COL28A1: variants seen among roughly 807,000 people sequenced by gnomAD.
COL28A1 encodes the protein collagen type XXVIII alpha 1 chain, also known as collagen alpha-1(XXVIII) chain.
Under a neutral mutation model 150.2 loss-of-function variants are expected in COL28A1, and 161 were observed. The ratio of observed to expected loss-of-function variants is 1.07; its 90% CI spans 0.94 to 1.22. The LOEUF is 1.22. Among genes scored for constraint, COL28A1 ranks in the 50% most tolerant of loss-of-function variants. The pLI is 0.00. For synonymous variants in COL28A1, 552 were observed against 469.7 expected (o/e 1.18, Z -2.26); for missense variants, 1,617 against 1,388.3 (o/e 1.16, Z -2.62).
At chr7:7,537,331 T>C (rs10226571), upstream of COL28A1, among the ~76,000 whole-genome samples, 11,870 of 152,086 alleles carry the variant, frequency 0.078, 1,599 homozygotes, top group African/African-American at 0.27. Context: ...GGGAGGAAAC[T>C]CCAGGACCTG....
At chr7:7,480,902 T>A (rs1369753724) in intron 13 of COL28A1, among the ~76,000 whole-genome samples, 1 of 152,114 alleles carries the variant, frequency 6.6e-6, no homozygotes, top group Admixed American at 6.5e-5. Context: ...AAGCACAACA[T>A]CCTCCTCAAA....
At chr7:7,396,694 A>T (rs1253259025) in intron 27 of COL28A1, among the ~76,000 whole-genome samples, 1 of 152,208 alleles carries the variant, frequency 6.6e-6, no homozygotes, top group Non-Finnish European at 1.5e-5. Flanking sequence ...GGCCTGGCTC[A>T]TTTGGTACCT....
At chr7:7,449,338 T>TA (rs1318051640) in intron 18 of COL28A1, among the ~76,000 whole-genome samples, 1 of 152,082 alleles carries the variant, frequency 6.6e-6, no homozygotes, top group Admixed American at 6.5e-5. Flanking sequence ...CATAATTTGA[T>TA]AAAATCCAGT....
rs150049522 is a variant in COL28A1 at position 7,380,773 on chromosome 7, A to T, written c.2286+9T>A. On this transcript the variant is annotated intron_variant, in intron 29 of 34. Coordinates refer to ENST00000399429, the MANE Select transcript of COL28A1 (RefSeq NM_001037763.3). ...ATAAAATCACAGTGAGACATTAAAAACTACTTGCCTGTTTTCCTGGAGATC... is the reference window on the plus strand; with the variant it reads ...ATAAAATCACAGTGAGACATTAAAATCTACTTGCCTGTTTTCCTGGAGATC... The T allele has an allele frequency of 3.1e-6, 5 of 1,613,474 alleles. No homozygotes were observed. Among genetic ancestry groups the T allele is most frequent in the Non-Finnish European group, 4.2e-6 (5 of 1,179,520 alleles).
At chr7:7,381,377 T>C (rs1017277958) in intron 28 of COL28A1, among the ~76,000 whole-genome samples, 167 bp downstream of exon 28, 2 of 152,214 alleles carry the variant, frequency 1.3e-5, no homozygotes, top group African/African-American at 4.8e-5. Context: ...GTGAACCTAT[T>C]TATAGGTAGA....
chr7:7,427,214 G>C (rs900574644), intron 25 of COL28A1, among the ~76,000 whole-genome samples: 8 of 152,200 alleles, frequency 5.3e-5, no homozygotes, highest in African/African-American at 1.9e-4. Flanking sequence ...ACCTTGAATA[G>C]TCACCTTTTC....
chr7:7,461,056 G>A (rs906435521), intron 15 of COL28A1, among the ~76,000 whole-genome samples: 14 of 152,202 alleles, frequency 9.2e-5, no homozygotes, highest in Admixed American at 9.2e-4. Flanking sequence ...GCTCCTGCAG[G>A]ACCTGGGAGA....
intron 33 of COL28A1, among the ~76,000 whole-genome samples, chr7:7,366,342 A>C (rs1241951963): frequency 6.6e-6 from 1 of 152,184 alleles, no homozygotes. Flanking sequence ...ATAAAATCGA[A>C]AAACTACAGA....
intron 14 of COL28A1, 95 bp from the exon 15 acceptor site, chr7:7,474,764 ATTT>A: frequency 1.4e-6 from 1 of 732,792 alleles, no homozygotes; most frequent in South Asian, 1.6e-5. Context: ...CTTCAAAATT[ATTT>A]TTTAAATAAA....
rs746033931 is a variant in COL28A1, at chr7:7,360,459, C to T, written c.3136G>A (p.Ala1046Thr). The T allele has an allele frequency of 6.2e-7, 1 of 1,609,360 alleles. No homozygotes were observed. The highest frequency in any genetic ancestry group is 1.3e-5 in the African/African-American group (1 of 74,760). ...GTGGTGGCCTCAGATGAGGTAGTGGCAGGCAGATCATCAGCCCACGTTGGC... is the reference window on the plus strand; with the variant it reads ...GTGGTGGCCTCAGATGAGGTAGTGGTAGGCAGATCATCAGCCCACGTTGGC... ...PEPTWADDLP[A>T]TTSSEATTTP... Residue 1046 changes from alanine (A) to threonine (T), a missense_variant, in exon 34 of 35, where the codon GCC (alanine) becomes ACC (threonine). Transcript: ENST00000399429.
intron 27 of COL28A1, among the ~76,000 whole-genome samples, chr7:7,381,989 T>A (rs967232774): frequency 1.3e-5 from 2 of 152,176 alleles, no homozygotes; most frequent in Non-Finnish European, 2.9e-5. Flanking sequence ...TCTTTACATT[T>A]TTCCATGTTT....
chr7:7,428,918 T>C (rs1434948786), intron 25 of COL28A1, among the ~76,000 whole-genome samples: 1 of 152,198 alleles, frequency 6.6e-6, no homozygotes, highest in Non-Finnish European at 1.5e-5. Context: ...TGCAGGGAAT[T>C]TTTCCACTTG....
At chr7:7,458,589 C>T (rs1053680161) in intron 15 of COL28A1, among the ~76,000 whole-genome samples, 26 of 152,108 alleles carry the variant, frequency 1.7e-4, no homozygotes, top group South Asian at 4.1e-4. Context: ...ATAAATATTA[C>T]GGAAGGAAAA....
chr7:7,448,856 G>C (rs1001070015), intron 18 of COL28A1, among the ~76,000 whole-genome samples: 3 of 151,922 alleles, frequency 2.0e-5, no homozygotes, highest in African/African-American at 7.2e-5. Flanking sequence ...ATATCATATA[G>C]TATATAATTC....
chr7:7,416,539 A>T (rs1784084770), intron 27 of COL28A1, among the ~76,000 whole-genome samples: 1 of 152,234 alleles, frequency 6.6e-6, no homozygotes, highest in South Asian at 2.1e-4. Flanking sequence ...AACTGGGTAT[A>T]CAGCACTACC....
intron 19 of COL28A1, among the ~76,000 whole-genome samples, chr7:7,443,928 A>G (rs1447203711): frequency 1.3e-5 from 2 of 149,726 alleles, no homozygotes; most frequent in Non-Finnish European, 3.0e-5. Context: ...TTGGCTCTTC[A>G]TTCGCATTTG....
intron 15 of COL28A1, among the ~76,000 whole-genome samples, chr7:7,459,476 A>G (rs1034517595): frequency 7.2e-5 from 11 of 152,386 alleles, no homozygotes; most frequent in Non-Finnish European, 1.2e-4. Context: ...ATAATCATGA[A>G]TATCAATTGT....
At chr7:7,417,548 GGAGA>G (rs1177669541) in intron 27 of COL28A1, 62 of 33,320 alleles carry the variant, frequency 1.9e-3, no homozygotes, top group Middle Eastern at 8.6e-3. Context: ...GAGGGGGGGG[GGAGA>G]GAGAGAGAGA....
intron 34 of COL28A1, among the ~76,000 whole-genome samples, chr7:7,359,967 T>C (rs537167319): frequency 2.0e-5 from 3 of 152,308 alleles, no homozygotes; most frequent in East Asian, 1.9e-4. Flanking sequence ...ATAGAAAATA[T>C]GTTAATGAAT....
Sources: gnomAD v4.1 joint callset for allele counts (sites outside exome capture counted in the v4.1 genomes callset) on GRCh38, gnomAD v4.1.1 for gene constraint, MANE v1.5 for transcripts, NCBI Gene and HGNC (gene_info 2026-07-23, HGNC 2026-07-21) for gene names.